The following NAALADL2 variants were observed in gnomAD, a reference collection of about 807,000 sequenced individuals.
The protein encoded by NAALADL2 is inactive N-acetylated-alpha-linked acidic dipeptidase-like protein 2.
In NAALADL2, 76 loss-of-function variants were observed where a neutral mutation model predicts 87.2. That is an observed-to-expected ratio of 0.87 (90% confidence interval 0.72 to 1.05). The LOEUF is 1.05. Among genes scored for constraint, NAALADL2 ranks in the 50% least tolerant of loss-of-function variants. NAALADL2 has a pLI of 0.00. For missense variants in NAALADL2, 1,089 were observed against 945.8 expected, an observed-to-expected ratio of 1.15 and a Z score of -1.99; for synonymous variants, 354 against 331.0, an observed-to-expected ratio of 1.07 and a Z score of -0.75.
At chr3:175,551,750 T>G (rs1240939288) in intron 9 of NAALADL2, among the ~76,000 whole-genome samples, 2 of 151,940 alleles carry the variant, frequency 1.3e-5, no homozygotes, top group Admixed American at 6.6e-5. Context: ...TTCAAAAAAT[T>G]AGCCGGGCAT....
chr3:175,368,434 C>G (rs1411529690), intron 5 of NAALADL2, among the ~76,000 whole-genome samples: 1 of 152,106 alleles, frequency 6.6e-6, no homozygotes, highest in African/African-American at 2.4e-5. Context: ...AGGAATGGTA[C>G]CAGTTCCTCC....
intron 2 of NAALADL2, among the ~76,000 whole-genome samples, chr3:174,710,908 A>G (rs1443421307): frequency 6.6e-6 from 1 of 152,096 alleles, no homozygotes; most frequent in Non-Finnish European, 1.5e-5. Flanking sequence ...TGAATTTTTG[A>G]TCTACAGAAC....
At chr3:175,434,309 C>A (rs1280787591) in intron 5 of NAALADL2, among the ~76,000 whole-genome samples, 1 of 151,882 alleles carries the variant, frequency 6.6e-6, no homozygotes, top group East Asian at 1.9e-4. Context: ...GGAAAACTAT[C>A]CCAGAGTCAC....
intron 5 of NAALADL2, among the ~76,000 whole-genome samples, chr3:175,413,435 G>T (rs1037867486): frequency 6.6e-6 from 1 of 151,176 alleles, no homozygotes; most frequent in South Asian, 2.1e-4. Context: ...GCCGGGCATG[G>T]TAGCGTCACC....
intron 2 of NAALADL2, among the ~76,000 whole-genome samples, chr3:174,735,942 G>A (rs1266161177): frequency 2.0e-5 from 3 of 152,140 alleles, no homozygotes; most frequent in Non-Finnish European, 4.4e-5. Context: ...GAGTGGTGAG[G>A]GGTGTGTGAG....
chr3:174,830,428 T>C (rs1722536759), intron 3 of NAALADL2, among the ~76,000 whole-genome samples: 3 of 152,302 alleles, frequency 2.0e-5, no homozygotes, highest in Middle Eastern at 3.4e-3. Flanking sequence ...GTTATAGATA[T>C]GCGGTGTTAT....
intron 1 of NAALADL2, among the ~76,000 whole-genome samples, chr3:174,461,129 C>A (rs1280963274): frequency 1.1e-4 from 16 of 151,968 alleles, no homozygotes; most frequent in Admixed American, 1.0e-3. Flanking sequence ...ATGTGAAGAT[C>A]TAAATAGAAT....
intron 2 of NAALADL2, among the ~76,000 whole-genome samples, chr3:174,676,685 A>C (rs532283271): frequency 6.6e-6 from 1 of 152,040 alleles, no homozygotes; most frequent in East Asian, 1.9e-4. Context: ...TTTACATCAC[A>C]AAATAAATGT....
chr3:174,960,457 A>C (rs754418753), intron 1 of NAALADL2, among the ~76,000 whole-genome samples: 3 of 152,092 alleles, frequency 2.0e-5, no homozygotes, highest in Admixed American at 2.0e-4. Context: ...TCTTTAATCA[A>C]GAACATTCAT....
intron 12 of NAALADL2, among the ~76,000 whole-genome samples, chr3:175,739,388 C>T (rs984750977): frequency 2.0e-5 from 3 of 152,088 alleles, no homozygotes; most frequent in African/African-American, 2.4e-5. Context: ...AAGAAATCTA[C>T]AAATTGGCAC....
intron 13 of NAALADL2, among the ~76,000 whole-genome samples, chr3:175,802,042 T>C (rs190698790): frequency 6.6e-6 from 1 of 152,212 alleles, no homozygotes; most frequent in Non-Finnish European, 1.5e-5. Flanking sequence ...TCAACTGTGT[T>C]GCCTCTATAC....
intron 3 of NAALADL2, among the ~76,000 whole-genome samples, chr3:174,749,561 G>A (rs1396773920): frequency 6.6e-6 from 1 of 151,592 alleles, no homozygotes; most frequent in Admixed American, 6.6e-5. Context: ...TTGAAGCTAA[G>A]TATAATAGAA....
chr3:174,705,448 T>C (rs994068106), intron 2 of NAALADL2, among the ~76,000 whole-genome samples: 12 of 152,300 alleles, frequency 7.9e-5, no homozygotes, highest in Admixed American at 5.2e-4. Flanking sequence ...AGTTACAATA[T>C]ATTCCAGGAC....
intron 1 of NAALADL2, among the ~76,000 whole-genome samples, chr3:175,034,496 C>T (rs933856299): frequency 6.6e-6 from 1 of 152,068 alleles, no homozygotes; most frequent in African/African-American, 2.4e-5. Flanking sequence ...TGGCCAGGTC[C>T]CTTATTTTAT....
At chr3:175,015,802 A>G (rs1317978154) in intron 1 of NAALADL2, among the ~76,000 whole-genome samples, 1 of 152,100 alleles carries the variant, frequency 6.6e-6, no homozygotes, top group African/African-American at 2.4e-5. Context: ...ATTTTGCAAA[A>G]TATTTTGGCA....
At chr3:175,795,921 C>T (rs1174819701) in intron 13 of NAALADL2, among the ~76,000 whole-genome samples, 1 of 151,756 alleles carries the variant, frequency 6.6e-6, no homozygotes, top group Admixed American at 6.6e-5. Context: ...GTATTTATGT[C>T]TGCAACCAGT....
intron 1 of NAALADL2, among the ~76,000 whole-genome samples, chr3:174,931,052 T>G (rs1321223399): frequency 2.0e-5 from 3 of 152,148 alleles, no homozygotes; most frequent in Non-Finnish European, 4.4e-5. Flanking sequence ...TTCCTCACAC[T>G]TTGAAGAGGA....
rs574548701 is a variant in NAALADL2, at chr3:174,777,674, T to C, written c.-9+39928T>C. ...GGCTGTTAAATTGCACTATTCTTTC[T>C]GTCTGGATGAGAAGATTTCCTTAAT... is the stretch of plus-strand genomic sequence containing the variant. On this transcript the variant is annotated intron_variant, in intron 3 of 3. Coordinates refer to the NAALADL2 transcript ENST00000434257. 7.2e-5 allele frequency among the ~76,000 whole-genome samples: 11 copies of C among 152,244 alleles called. 1 individual carries two copies. The South Asian group carries it at 2.3e-3, about 32-fold the overall frequency.
intron 1 of NAALADL2, among the ~76,000 whole-genome samples, chr3:174,441,450 A>G (rs530622193): frequency 1.3e-5 from 2 of 152,136 alleles, no homozygotes; most frequent in African/African-American, 2.4e-5. Context: ...GCAGCCCGAC[A>G]CGGCGCGCTA....
Sources: gnomAD v4.1 joint callset for allele counts (sites outside exome capture counted in the v4.1 genomes callset) on GRCh38, gnomAD v4.1.1 for gene constraint, MANE v1.5 for transcripts, NCBI Gene and HGNC (gene_info 2026-07-23, HGNC 2026-07-21) for gene names.